Variants in OPTN observed in about 807,000 individuals in gnomAD.
The protein encoded by OPTN is E3-14.7K-interacting protein.
In OPTN, 54 loss-of-function variants were observed where a neutral mutation model predicts 70.4. The ratio of observed to expected loss-of-function variants is 0.77; its 90% CI spans 0.62 to 0.96. The LOEUF (loss-of-function observed/expected upper bound fraction) is 0.96, where lower values mean the gene tolerates loss of function less well. Among genes scored for constraint, OPTN ranks in the 40% least tolerant of loss-of-function variants. The pLI, the probability that OPTN is intolerant of heterozygous loss-of-function variation, is 0.00. For missense variants in OPTN, 624 were observed against 673.2 expected, an observed-to-expected ratio of 0.93 and a Z score of 0.81; for synonymous variants, 256 against 248.5, an observed-to-expected ratio of 1.03 and a Z score of -0.28.
At chr10:13,108,962 G>T in intron 2 of OPTN, 150 bp from the exon 3 acceptor site, 1 of 760,728 alleles carries the variant, frequency 1.3e-6, no homozygotes, top group Admixed American at 1.9e-5. Flanking sequence ...TGTTTAAAAG[G>T]AAGAATCAAA....
chr10:13,100,494 G>A (rs1272648294), intron 1 of OPTN, among the ~76,000 whole-genome samples, 192 bp downstream of exon 1: 1 of 152,240 alleles, frequency 6.6e-6, no homozygotes, highest in Non-Finnish European at 1.5e-5. Flanking sequence ...AGCCTCGGCG[G>A]GTCCTGACCT....
intron 6 of OPTN, among the ~76,000 whole-genome samples, chr10:13,116,774 C>G (rs996140837): frequency 6.6e-6 from 1 of 152,218 alleles, no homozygotes; most frequent in African/African-American, 2.4e-5. Flanking sequence ...ATGGCCAATA[C>G]TGGAACATCT....
chr10:13,104,941 C>T (rs1832833807), intron 1 of OPTN: 6 of 269,510 alleles, frequency 2.2e-5, no homozygotes, highest in African/African-American at 6.9e-5. Context: ...GTGGTAACTA[C>T]GCCGACGTGC....
chr10:13,102,440 C>A (rs1461509708), intron 1 of OPTN, among the ~76,000 whole-genome samples: 5 of 152,202 alleles, frequency 3.3e-5, no homozygotes, highest in African/African-American at 1.2e-4. Context: ...GAAAGCCAGT[C>A]ATTTAGGAGG....
chr10:13,133,005 T>A (rs1220895600), intron 13 of OPTN, among the ~76,000 whole-genome samples: 2 of 152,188 alleles, frequency 1.3e-5, no homozygotes, highest in Non-Finnish European at 2.9e-5. Flanking sequence ...CTTCTTTACC[T>A]TGTGCTGTTA....
At chr10:13,128,473 T>C (rs1362878206) in intron 12 of OPTN, among the ~76,000 whole-genome samples, 2 of 134,970 alleles carry the variant, frequency 1.5e-5, no homozygotes, top group African/African-American at 2.9e-5. Flanking sequence ...TGAGGTATCC[T>C]CTTTTGTGAA....
chr10:13,125,454 A>T lies in OPTN; in HGVS notation c.1035A>T (p.Pro345=). ...QALERKNSAI[P]SELNEKQELV... ...TTGAAAGGAAAAATTCTGCAATTCCATCAGAGTTGAATGAAAAGCAAGAGC... is the reference window on the plus strand; with the variant it reads ...TTGAAAGGAAAAATTCTGCAATTCCTTCAGAGTTGAATGAAAAGCAAGAGC... The change falls in exon 10 of 15, where the codon CCA becomes CCT. Residue 345 remains proline (P), a synonymous_variant. Transcript: ENST00000378747. The T allele has an allele frequency of 6.2e-7, 1 of 1,614,178 alleles. No individual in the cohort carries two copies. Among genetic ancestry groups the T allele is most frequent in the Non-Finnish European group, 8.5e-7 (1 of 1,180,010 alleles).
At position 13,137,020 on chromosome 10, in the gene OPTN, C is replaced by T; in HGVS notation, c.*154C>T. ...ACAGGCCGGGCACAGTGGCTCATGC[C>T]TGTAATCCCAGCACTTTGGGAGGTC... is the stretch of plus-strand genomic sequence containing the variant. On this transcript the variant is annotated 3_prime_UTR_variant, in exon 15 of 15. Transcript: ENST00000378747. 1.0e-6 allele frequency: 1 copy of T among 961,734 alleles called. No individual in the cohort carries two copies. The highest frequency in any genetic ancestry group is 1.4e-5 in the South Asian group (1 of 73,454). 59.6% of individuals were successfully genotyped at this position (961,734 alleles called of 1,614,324 possible). A position where few individuals can be genotyped will look rare whatever the true frequency, so the allele number is the denominator to read the frequency against.
chr10:13,133,683 A>G (rs1046095612), intron 14 of OPTN, 102 bp downstream of exon 14: 13 of 1,014,208 alleles, frequency 1.3e-5, no homozygotes, highest in Non-Finnish European at 2.0e-5. Context: ...TTCCAAATCA[A>G]GGCACCAAAA....
chr10:13,116,193 C>A, intron 5 of OPTN, 74 bp from the exon 6 acceptor site: 2 of 1,048,988 alleles, frequency 1.9e-6, no homozygotes, highest in South Asian at 2.6e-5. Flanking sequence ...CATCTTTTGT[C>A]TTTTTCTTCT....
chr10:13,131,527 G>A (rs1833593631), intron 12 of OPTN: 1 of 154,156 alleles, frequency 6.5e-6, no homozygotes, highest in Non-Finnish European at 1.4e-5. Flanking sequence ...GAGCCGTTAA[G>A]TTTGTAAAAT....
At chr10:13,128,382 G>A (rs10906306) in intron 12 of OPTN, among the ~76,000 whole-genome samples, 35,902 of 151,532 alleles carry the variant, frequency 0.24, 4,326 homozygotes, top group East Asian at 0.3. Context: ...CACTCTGGAG[G>A]GTATATAGTG....
Position 13,109,210 on chromosome 10 carries a change from C to T in OPTN, c.88C>T (p.Pro30Ser). ...TGNGPPHLAH[P>S]NLDTFTPEEL... ...AAATGGACCCCCCCACCTGGCCCAC[C>T]CAAACCTGGACACGTTTACCCCGGA... Residue 30 changes from proline to serine, a missense_variant, in exon 3 of 15, where the codon CCA (proline) becomes TCA (serine). By Grantham distance (74) the Pro-to-Ser change is moderately conservative (BLOSUM62 -1). Coordinates refer to ENST00000378747, the MANE Select transcript of OPTN (RefSeq NM_001008212.2). The T allele has an allele frequency of 6.2e-7, 1 of 1,614,012 alleles. No homozygotes were observed. Among genetic ancestry groups the T allele is most frequent in the Non-Finnish European group, 8.5e-7 (1 of 1,179,990 alleles).
chr10:13,109,171 A>T lies in OPTN; in HGVS notation c.49A>T (p.Ser17Cys), dbSNP rs1832937523. The change falls in exon 3 of 15, where the codon AGT (serine) becomes TGT (cysteine). Residue 17 changes from serine (S) to cysteine (C), a missense_variant. By Grantham distance (112) the Ser-to-Cys change is moderately radical. Coordinates refer to ENST00000378747, the MANE Select transcript of OPTN (RefSeq NM_001008212.2). ...CCTCACTGAAAAGGAGGACAGCCCCAGTGAAAGCACAGGAAATGGACCCCC... is the reference window on the plus strand; with the variant it reads ...CCTCACTGAAAAGGAGGACAGCCCCTGTGAAAGCACAGGAAATGGACCCCC... ...SCLTEKEDSP[S>C]ESTGNGPPHL... is the part of the protein sequence containing the mutation. 6.2e-7 allele frequency: 1 copy of T among 1,613,894 alleles called. No homozygotes were observed. Among genetic ancestry groups the T allele is most frequent in the Admixed American group, 1.7e-5 (1 of 60,004 alleles).
intron 12 of OPTN, among the ~76,000 whole-genome samples, 188 bp downstream of exon 12, chr10:13,128,091 A>G (rs915198126): frequency 2.0e-5 from 3 of 152,224 alleles, no homozygotes; most frequent in African/African-American, 7.2e-5. Context: ...TCTACATTTA[A>G]TAGGTAATTG....
chr10:13,111,305 G>A (rs1832989583), intron 4 of OPTN, among the ~76,000 whole-genome samples: 1 of 152,142 alleles, frequency 6.6e-6, no homozygotes, highest in Admixed American at 6.6e-5. Flanking sequence ...TTCCAGCATG[G>A]CAAGGAAGGC....
chr10:13,123,081 AATG>A (rs1833386324), intron 8 of OPTN: 1 of 158,998 alleles, frequency 6.3e-6, no homozygotes, highest in African/African-American at 2.4e-5. Flanking sequence ...TAGGAAAAGG[AATG>A]TTGTCCACTT....
intron 4 of OPTN, among the ~76,000 whole-genome samples, chr10:13,110,800 T>C (rs1407813070): frequency 6.6e-6 from 1 of 152,240 alleles, no homozygotes; most frequent in Non-Finnish European, 1.5e-5. Flanking sequence ...CAATTGTTTT[T>C]AGTTTGTCTT....
At chr10:13,112,890 A>G (rs1833039893) in intron 5 of OPTN, among the ~76,000 whole-genome samples, 1 of 152,078 alleles carries the variant, frequency 6.6e-6, no homozygotes, top group Non-Finnish European at 1.5e-5. Flanking sequence ...TGTCCTGGCA[A>G]ATTGAACATT....
Sources: allele counts gnomAD v4.1 joint callset (sites outside exome capture counted in the v4.1 genomes callset), GRCh38; gene constraint gnomAD v4.1.1; transcripts MANE v1.5; gene names NCBI Gene and HGNC (gene_info 2026-07-23, HGNC 2026-07-21).